Variants in TBR1 observed in about 807,000 individuals in gnomAD.
TBR1 encodes the protein T-box brain protein 1.
Under a neutral mutation model 60.3 loss-of-function variants are expected in TBR1, and 7 were observed. That is an observed-to-expected ratio of 0.12 (90% CI 0.07 to 0.22). The LOEUF (loss-of-function observed/expected upper bound fraction) is 0.22. TBR1 is among the 10% of genes least tolerant of loss of function. The pLI, the probability that TBR1 is intolerant of heterozygous loss-of-function variation, is 1.00. For missense variants in TBR1, 616 were observed against 936.8 expected (o/e 0.66, Z 4.47); for synonymous variants, 417 against 409.9 (o/e 1.02, Z -0.21).
At chr2:161,423,222 C>A in intron 5 of TBR1, 147 bp from the exon 6 acceptor site, 1 of 544,034 alleles carries the variant, frequency 1.8e-6, no homozygotes. Flanking sequence ...CTTGTATTCT[C>A]CAGGAAATCC....
chr2:161,417,426 C>T lies in TBR1; in HGVS notation c.693-250C>T, dbSNP rs113594363. 21 of 572,722 alleles carry T rather than the reference C, an allele frequency of 3.7e-5. 1 individual carries two copies. Among genetic ancestry groups the T allele is most frequent in the African/African-American group, 2.6e-4 (14 of 53,372 alleles). 35.5% of individuals were successfully genotyped at this position (572,722 alleles called of 1,614,324 possible). On this transcript the variant is annotated intron_variant, in intron 1 of 5. Transcript: ENST00000389554. The surrounding 1 kb of genome is among the most constrained non-coding windows in gnomAD (Gnocchi z 5.3). The stretch of plus-strand genomic sequence containing the variant: ...CACGGACAGGTGGAGACGCAGGTCG[C>T]CAACCTCGCTCTCCACCTGGGCAGT...
In TBR1 at chr2:161,417,564, C is replaced by T; in HGVS notation, c.693-112C>T. The T allele has an allele frequency of 7.5e-7, 1 of 1,333,660 alleles. No individual in the cohort carries two copies. Among genetic ancestry groups the T allele is most frequent in the East Asian group, 2.3e-5 (1 of 43,182 alleles). 82.6% of individuals were successfully genotyped at this position (1,333,660 alleles called of 1,614,324 possible). A position where few individuals can be genotyped will look rare whatever the true frequency, so the allele number is the denominator to read the frequency against. On this transcript the variant is annotated intron_variant, in intron 1 of 5. Coordinates refer to ENST00000389554, the MANE Select transcript of TBR1 (RefSeq NM_006593.4). The surrounding 1 kb of genome is among the most constrained non-coding windows in gnomAD (Gnocchi z 5.3). ...AATCCAGCAAATATTCGCCTATTTGCTGCAAGTACAAGTTTTGCTTTGCTA... is the reference window on the plus strand; with the variant it reads ...AATCCAGCAAATATTCGCCTATTTGTTGCAAGTACAAGTTTTGCTTTGCTA...
chr2:161,423,533 G>A lies in TBR1; in HGVS notation c.1355G>A (p.Gly452Asp), dbSNP rs753182668. Residue 452 changes from glycine to aspartate, a missense_variant, in exon 6 of 6, where the codon GGC becomes GAC. By Grantham distance (94) the Gly-to-Asp change is moderately conservative. This residue lies in a region of TBR1 where 80 missense variants were observed against 75.3 expected (regional missense o/e 1.06). Transcript: ENST00000389554. ...KARFHPGAGA[G>D]PGPGTDRSVP... ...CGCTTCCACCCGGGCGCGGGCGCGG[G>A]CCCCGGGCCGGGTACGGACCGCAGC... 5.1e-6 allele frequency: 8 copies of A among 1,577,494 alleles called. No homozygotes were observed. The highest frequency in any genetic ancestry group is 6.9e-6 in the Non-Finnish European group (8 of 1,164,938).
At position 161,423,538 on chromosome 2, in the gene TBR1, G is replaced by C; in HGVS notation, c.1360G>C (p.Gly454Arg). ...RFHPGAGAGP[G>R]PGTDRSVPHT... ...CCACCCGGGCGCGGGCGCGGGCCCCGGGCCGGGTACGGACCGCAGCGTGCC... is the reference window on the plus strand; with the variant it reads ...CCACCCGGGCGCGGGCGCGGGCCCCCGGCCGGGTACGGACCGCAGCGTGCC... The change falls in exon 6 of 6, where the codon GGG becomes CGG. Residue 454 changes from glycine to arginine, a missense_variant. Coordinates refer to ENST00000389554, the MANE Select transcript of TBR1 (RefSeq NM_006593.4). 1 of 1,577,092 alleles carries C rather than the reference G, an allele frequency of 6.3e-7. No individual in the cohort carries two copies.
In TBR1 at chr2:161,419,060, C is replaced by T; in HGVS notation, c.1128+10C>T. On this transcript the variant is annotated intron_variant, in intron 4 of 5. Coordinates refer to ENST00000389554, the MANE Select transcript of TBR1 (RefSeq NM_006593.4). ...CTACCAGAACACGGATGTAAGGAGA[C>T]CTAGGGGCTGGGGGCGAGGCGGGCG... The T allele has an allele frequency of 6.2e-7, 1 of 1,613,866 alleles. No homozygotes were observed. Among genetic ancestry groups the T allele is most frequent in the East Asian group, 2.2e-5 (1 of 44,806 alleles).
chr2:161,418,647 G>T, intron 3 of TBR1: 1 of 572,356 alleles, frequency 1.7e-6, no homozygotes, highest in East Asian at 3.3e-5. Flanking sequence ...AGGGCCCTGA[G>T]GATCGGGCGG....
chr2:161,423,462 C>T lies in TBR1; in HGVS notation c.1284C>T (p.Ala428=). Residue 428 remains alanine (A), a synonymous_variant, in exon 6 of 6, where the codon GCC becomes GCT. Transcript: ENST00000389554. ...QIVPGARYAM[A]GSFLQDQFVS... ...TGCCCGGGGCCCGCTACGCCATGGC[C>T]GGCTCTTTCCTGCAGGACCAGTTCG... The T allele has an allele frequency of 6.2e-7, 1 of 1,606,334 alleles. No homozygotes were observed. Among genetic ancestry groups the T allele is most frequent in the Non-Finnish European group, 8.5e-7 (1 of 1,177,060 alleles).
intron 4 of TBR1, chr2:161,419,414 CG>C (rs1684188587): frequency 5.6e-6 from 1 of 177,496 alleles, no homozygotes; most frequent in African/African-American, 2.4e-5. Context: ...CAGATTTCCC[CG>C]TGCATTTTAT....
Position 161,417,981 on chromosome 2 carries a change from G to A in TBR1, c.847+151G>A, listed in dbSNP as rs1185951910. 1 of 1,453,952 alleles carries A rather than the reference G, an allele frequency of 6.9e-7. No homozygotes were observed. Among genetic ancestry groups the A allele is most frequent in the Non-Finnish European group, 9.1e-7 (1 of 1,103,464 alleles). The allele number at this position is 1,453,952 out of a possible 1,614,324, so 90.1% of individuals were successfully genotyped here. ...GGGGGACAGGGGGACAGACTGAGCT[G>A]CGAGAAGGGGGAGGATTATGCAAAA... On this transcript the variant is annotated intron_variant, in intron 2 of 5. Transcript: ENST00000389554. The surrounding 1 kb of genome is among the most constrained non-coding windows in gnomAD (Gnocchi z 5.3).
Position 161,417,635 on chromosome 2 carries a change from T to C in TBR1, c.693-41T>C. On this transcript the variant is annotated intron_variant, in intron 1 of 5. Coordinates refer to ENST00000389554, the MANE Select transcript of TBR1 (RefSeq NM_006593.4). This position sits in a 1 kb window ranked among gnomAD's most constrained non-coding sequence, Gnocchi z 5.3. ...ATTTAATCTTTAACATTTATGTTTC[T>C]TTTTTCCTTGTTTTCTCCCCCCACC... is the stretch of plus-strand genomic sequence containing the variant. 6.3e-7 allele frequency: 1 copy of C among 1,587,556 alleles called. No homozygotes were observed. The highest frequency in any genetic ancestry group is 1.4e-5 in the African/African-American group (1 of 73,412).
rs1351336813 is a variant in TBR1 at position 161,425,074 on chromosome 2, T to C, written c.*847T>C. ...AACACCTTTAAAGGATAGGTGTCTGTTCATAGGCAAGTCGATTAAGTGGCA... is the reference window on the plus strand; with the variant it reads ...AACACCTTTAAAGGATAGGTGTCTGCTCATAGGCAAGTCGATTAAGTGGCA... On this transcript the variant is annotated 3_prime_UTR_variant, in exon 6 of 6. Transcript: ENST00000389554. 2 of 152,222 alleles carry C rather than the reference T, an allele frequency of 1.3e-5. No individual in the cohort carries two copies. Among genetic ancestry groups the C allele is most frequent in the Non-Finnish European group, 2.9e-5 (2 of 68,050 alleles). 9.4% of individuals were successfully genotyped at this position (152,222 alleles called of 1,614,324 possible).
chr2:161,418,087 G>GGT (rs1185887867), intron 2 of TBR1, 114 bp from the exon 3 acceptor site: 98 of 1,388,626 alleles, frequency 7.1e-5, no homozygotes, highest in African/African-American at 2.6e-4. Context: ...GGTGGAGTAA[G>GGT]GTGTGTGTAT....
intron 4 of TBR1, 59 bp from the exon 5 acceptor site, chr2:161,420,137 C>T: frequency 6.8e-7 from 1 of 1,462,206 alleles, no homozygotes; most frequent in Non-Finnish European, 9.5e-7. Flanking sequence ...GATATATTCT[C>T]AAACACCCAG....
At chr2:161,423,304 AC>A in intron 5 of TBR1, 64 bp from the exon 6 acceptor site, 3 of 193,150 alleles carry the variant, frequency 1.6e-5, no homozygotes, top group Non-Finnish European at 9.4e-6. Flanking sequence ...TTCTGCCCCC[AC>A]CCCCACCCCA....
rs1559060924 is a variant in TBR1, at chr2:161,418,992, A to G, written c.1070A>G (p.Gln357Arg). The change falls in exon 4 of 6, where the codon CAG (glutamine) becomes CGG (arginine). Residue 357 changes from glutamine (Q) to arginine (R), a missense_variant. Around this residue, in one of 8 missense-constraint regions of TBR1, gnomAD observed 85 missense variants for 164.9 expected, o/e 0.52. Transcript: ENST00000389554. ...TEDTSQPGRVQTFTFPETQFI... is the reference protein window; with the variant it reads ...TEDTSQPGRVRTFTFPETQFI... ...GACACTAGCCAGCCCGGCCGCGTGC[A>G]GACGTTCACTTTCCCTGAGACTCAG... 6.2e-7 allele frequency: 1 copy of G among 1,614,246 alleles called. No homozygotes were observed. Among genetic ancestry groups the G allele is most frequent in the Non-Finnish European group, 8.5e-7 (1 of 1,180,038 alleles).
At chr2:161,420,415 CTTCTTTTTTTTT>C (rs1684210731) in intron 5 of TBR1, 158 bp downstream of exon 5, 3 of 188,796 alleles carry the variant, frequency 1.6e-5, no homozygotes, top group East Asian at 7.2e-5. Context: ...TCTTCTTCCT[CTTCTTTTTTTTT>C]TTTTTTTTTT....
intron 3 of TBR1, chr2:161,418,651 C>G: frequency 1.7e-6 from 1 of 574,938 alleles, no homozygotes; most frequent in Non-Finnish European, 2.9e-6. Flanking sequence ...CCCTGAGGAT[C>G]GGGCGGTCGG....
Position 161,417,279 on chromosome 2 carries a change from TG to T in TBR1, c.692+184del. 4.5e-6 allele frequency: 3 copies of T among 670,948 alleles called. No homozygotes were observed. Among genetic ancestry groups the T allele is most frequent in the South Asian group, 2.0e-5 (1 of 48,916 alleles). 41.6% of individuals were successfully genotyped at this position (670,948 alleles called of 1,614,324 possible). Reference sequence around the variant, plus strand: ...GGGATAACCGCCAGGGTGATGTTGGTGGGGGGGACCCCGTTCTAGGAACATA... The same window carrying T: ...GGGATAACCGCCAGGGTGATGTTGGTGGGGGGACCCCGTTCTAGGAACATA... On this transcript the variant is annotated intron_variant, in intron 1 of 5. Transcript: ENST00000389554. This position sits in a 1 kb window ranked among gnomAD's most constrained non-coding sequence, Gnocchi z 5.3.
At position 161,420,179 on chromosome 2, in the gene TBR1, T is replaced by C; in HGVS notation, c.1129-17T>C. 6 of 1,597,174 alleles carry C rather than the reference T, an allele frequency of 3.8e-6. No homozygotes were observed. Among genetic ancestry groups the C allele is most frequent in the Non-Finnish European group, 5.1e-6 (6 of 1,168,246 alleles). On this transcript the variant is annotated splice_polypyrimidine_tract_variant and intron_variant, in intron 4 of 5. Transcript: ENST00000389554. ...CGTATAAAAGGTGAGATAACATTCA[T>C]TTTTTTTCTTTGCCAGATTACACAA... is the stretch of plus-strand genomic sequence containing the variant.
Sources: gnomAD v4.1 joint callset for allele counts on GRCh38, gnomAD v4.1.1 for gene constraint, gnomAD v4.1.1 regional missense constraint, Gnocchi (gnomAD v3.1) non-coding constraint, MANE v1.5 for transcripts, NCBI Gene and HGNC (gene_info 2026-07-23, HGNC 2026-07-21) for gene names.